RABGAP1L: variants seen among roughly 807,000 people sequenced by gnomAD.
The protein encoded by RABGAP1L is rab GTPase-activating protein 1-like.
RABGAP1L carries 63 observed loss-of-function variants against 137.7 expected under a neutral mutation model. That is an observed-to-expected ratio of 0.46 (90% confidence interval 0.37 to 0.56). The LOEUF (loss-of-function observed/expected upper bound fraction) is 0.56. Among genes scored for constraint, RABGAP1L ranks in the 20% least tolerant of loss-of-function variants. The pLI is 0.00. For missense variants in RABGAP1L, 1,095 were observed against 1,244.0 expected, an observed-to-expected ratio of 0.88 and a Z score of 1.80; for synonymous variants, 431 against 433.7, an observed-to-expected ratio of 0.99 and a Z score of 0.08.
chr1:174,560,414 G>A (rs532912824), intron 13 of RABGAP1L, among the ~76,000 whole-genome samples: 1 of 152,284 alleles, frequency 6.6e-6, no homozygotes, highest in Non-Finnish European at 1.5e-5. Context: ...ACTGTGAATA[G>A]AAAAGAATAT....
intron 17 of RABGAP1L, among the ~76,000 whole-genome samples, chr1:174,750,032 G>T (rs1454087701): frequency 6.6e-6 from 1 of 152,034 alleles, no homozygotes; most frequent in African/African-American, 2.4e-5. Flanking sequence ...ACCACGCCCG[G>T]CTAATTTTTT....
At chr1:174,227,052 TTAAG>T (rs1670241443) in intron 3 of RABGAP1L, among the ~76,000 whole-genome samples, 1 of 152,290 alleles carries the variant, frequency 6.6e-6, no homozygotes, top group South Asian at 2.1e-4. Flanking sequence ...GTATCCATAA[TTAAG>T]TTTTAAGTTT....
intron 13 of RABGAP1L, among the ~76,000 whole-genome samples, chr1:174,607,059 A>G (rs769221687): frequency 1.3e-5 from 2 of 152,220 alleles, no homozygotes; most frequent in Non-Finnish European, 2.9e-5. Flanking sequence ...ATAAAAATAC[A>G]AGACACCCAC....
At chr1:174,168,183 T>TA (rs1351069646) in intron 1 of RABGAP1L, among the ~76,000 whole-genome samples, 1 of 147,506 alleles carries the variant, frequency 6.8e-6, no homozygotes, top group Non-Finnish European at 1.5e-5. Context: ...AAGAATCCCT[T>TA]GAACCTGGGA....
chr1:174,255,054 A>G (rs1053375331), intron 7 of RABGAP1L, among the ~76,000 whole-genome samples: 1 of 152,026 alleles, frequency 6.6e-6, no homozygotes, highest in African/African-American at 2.4e-5. Context: ...ATGGTATCTC[A>G]TTGTAGTTTT....
chr1:174,256,196 G>A (rs990948807), intron 7 of RABGAP1L, among the ~76,000 whole-genome samples: 5 of 152,082 alleles, frequency 3.3e-5, no homozygotes, highest in African/African-American at 1.2e-4. Context: ...CTTAAGACTT[G>A]GACGTTTTTG....
intron 7 of RABGAP1L, among the ~76,000 whole-genome samples, chr1:174,271,035 T>C (rs908336117): frequency 1.3e-5 from 2 of 152,182 alleles, no homozygotes; most frequent in African/African-American, 4.8e-5. Context: ...ATTATTTAAT[T>C]TGTGTAGACA....
In RABGAP1L at chr1:174,403,245, GTGTA is replaced by G. The variant is rs1263877757; in HGVS notation, c.1710+9102_1710+9105del. On this transcript the variant is annotated intron_variant, in intron 13 of 25. Transcript: ENST00000681986. ...TGTGTGTGTGTGTGTGTGTGTGTGTGTGTATATATATGTGTATACCATTTCTTTT... is the reference window on the plus strand; with the variant it reads ...TGTGTGTGTGTGTGTGTGTGTGTGTGTATATATGTGTATACCATTTCTTTT... 5.1e-3 allele frequency among the ~76,000 whole-genome samples: 655 copies of G among 127,282 alleles called. 4 individuals carry two copies. The highest frequency in any genetic ancestry group is 6.7e-3 in the Admixed American group (88 of 13,152). 83.5% of individuals were successfully genotyped at this position (127,282 alleles called of 152,430 possible). A position where few individuals can be genotyped will look rare whatever the true frequency, so the allele number is the denominator to read the frequency against.
chr1:174,231,371 T>A lies in RABGAP1L; in HGVS notation c.542+16T>A, dbSNP rs747185850. ...GTTCTGTGAGGTAAGCTCTAATTTG[T>A]TTTTCTTTAGACACATATTAAGTCT... is the stretch of plus-strand genomic sequence containing the variant. On this transcript the variant is annotated intron_variant, in intron 4 of 25. Coordinates refer to ENST00000681986, the MANE Select transcript of RABGAP1L (RefSeq NM_001366446.1). 1.2e-6 allele frequency: 2 copies of A among 1,606,544 alleles called. No individual in the cohort carries two copies. The highest frequency in any genetic ancestry group is 3.3e-5 in the Admixed American group (2 of 59,954).
chr1:174,334,753 C>T (rs1681326540), intron 11 of RABGAP1L, among the ~76,000 whole-genome samples: 1 of 151,928 alleles, frequency 6.6e-6, no homozygotes, highest in Non-Finnish European at 1.5e-5. Flanking sequence ...ATCTTGCCAG[C>T]TCAGTAAATA....
At chr1:174,326,747 A>G (rs978510615) in intron 11 of RABGAP1L, among the ~76,000 whole-genome samples, 2 of 152,238 alleles carry the variant, frequency 1.3e-5, no homozygotes, top group Non-Finnish European at 2.9e-5. Flanking sequence ...TAAAACAACT[A>G]TAAGATATAT....
At chr1:174,496,939 G>T (rs976509478) in intron 13 of RABGAP1L, among the ~76,000 whole-genome samples, 7 of 152,144 alleles carry the variant, frequency 4.6e-5, no homozygotes, top group Non-Finnish European at 2.9e-5. Flanking sequence ...AGAGAAAAAT[G>T]ATATAAAATG....
At chr1:174,383,113 G>A (rs1009300618) in intron 12 of RABGAP1L, among the ~76,000 whole-genome samples, 62 of 150,972 alleles carry the variant, frequency 4.1e-4, no homozygotes, top group Admixed American at 9.2e-4. Context: ...GGGGTCAGGG[G>A]TCAGGGACCC....
chr1:174,732,201 C>CAAAAA (rs35666280), intron 17 of RABGAP1L, among the ~76,000 whole-genome samples: 36 of 145,018 alleles, frequency 2.5e-4, no homozygotes, highest in Non-Finnish European at 3.7e-4. Context: ...CCATCCCCCC[C>CAAAAA]AAAAAAAAAA....
intron 18 of RABGAP1L, among the ~76,000 whole-genome samples, chr1:174,794,652 A>T (rs1688109141): frequency 6.6e-6 from 1 of 152,152 alleles, no homozygotes; most frequent in Admixed American, 6.5e-5. Flanking sequence ...TTTAATTATC[A>T]TTACTCTTGG....
rs1389711458 is a variant in RABGAP1L, at chr1:174,990,823, C to T, written c.*822C>T. ...ATTGCACCTTACAGACTTAGGGAGC[C>T]TTTACCAGAGACGCCTAAAAAGCCC... On this transcript the variant is annotated 3_prime_UTR_variant, in exon 26 of 26. Transcript: ENST00000681986. 1 of 152,176 alleles carries T rather than the reference C, an allele frequency of 6.6e-6. No homozygotes were observed. Among genetic ancestry groups the T allele is most frequent in the Non-Finnish European group, 1.5e-5 (1 of 68,056 alleles). The allele number at this position is 152,176 out of a possible 1,614,324, so 9.4% of individuals were successfully genotyped here.
intron 1 of RABGAP1L, among the ~76,000 whole-genome samples, chr1:174,170,937 T>G (rs962892982): frequency 6.6e-6 from 1 of 152,196 alleles, no homozygotes; most frequent in Non-Finnish European, 1.5e-5. Context: ...TGTACACATA[T>G]TTGTTTGTAA....
intron 13 of RABGAP1L, among the ~76,000 whole-genome samples, chr1:174,587,462 A>G (rs2148114668): frequency 6.6e-6 from 1 of 151,282 alleles, no homozygotes; most frequent in South Asian, 2.1e-4. Flanking sequence ...ATAAAATAAA[A>G]TAAAATAAAA....
intron 13 of RABGAP1L, among the ~76,000 whole-genome samples, chr1:174,503,735 C>G (rs1415727962): frequency 7.0e-6 from 1 of 142,608 alleles, no homozygotes; most frequent in African/African-American, 2.5e-5. Flanking sequence ...ACTATCTAAA[C>G]AAGAAATGAA....
Sources: gnomAD v4.1 joint callset for allele counts (sites outside exome capture counted in the v4.1 genomes callset) on GRCh38, gnomAD v4.1.1 for gene constraint, MANE v1.5 for transcripts, NCBI Gene and HGNC (gene_info 2026-07-23, HGNC 2026-07-21) for gene names.